The following PET117 variants were observed in gnomAD, a reference collection of about 807,000 sequenced individuals.
PET117 encodes the protein protein PET117 homolog, mitochondrial.
In PET117, 10 loss-of-function variants were observed where a neutral mutation model predicts 9.2. That is an observed-to-expected ratio of 1.09 (90% CI 0.67 to 1.85). PET117 has a LOEUF of 1.85. Among genes scored for constraint, PET117 ranks in the 40% most tolerant of loss-of-function variants. The probability of loss-of-function intolerance (pLI) is 0.00; values close to 1 mark genes in which losing one functional copy is unlikely to be tolerated. For synonymous variants in PET117, 43 were observed against 37.1 expected, an observed-to-expected ratio of 1.16 and a Z score of -0.57; for missense variants, 96 against 98.2, an observed-to-expected ratio of 0.98 and a Z score of 0.09.
rs868486730 is a variant in PET117 at position 18,141,041 on chromosome 20, T to A, written c.97-1167T>A. Among the ~76,000 whole-genome samples the A allele has an allele frequency of 3.0e-4, 13 of 43,608 alleles. 1 individual carries two copies. The highest frequency in any genetic ancestry group is 1.9e-3 in the South Asian group (2 of 1,052). 28.6% of individuals were successfully genotyped at this position (43,608 alleles called of 152,430 possible). A position where few individuals can be genotyped will look rare whatever the true frequency, so the allele number is the denominator to read the frequency against. On this transcript the variant is annotated intron_variant, in intron 1 of 1. Transcript: ENST00000432901. ...CCCTGCAATTTTTTTTTTTTTTTTT[T>A]TTTTTATTTTTATTTTTGCTAGAGA...
chr20:18,139,227 A>G (rs2037426056), intron 1 of PET117, among the ~76,000 whole-genome samples: 2 of 152,200 alleles, frequency 1.3e-5, no homozygotes, highest in African/African-American at 4.8e-5. Context: ...TTGGGATTAA[A>G]ATGTGCTCCT....
rs770214130 is a variant in PET117, at chr20:18,137,924, G to A, written c.-32G>A. ...GGCGGCCTCTGCGCCTCGGGCGGGC[G>A]GGAGAGAGAGGCCGCGGCCGCCAGC... is the stretch of plus-strand genomic sequence containing the variant. On this transcript the variant is annotated 5_prime_UTR_variant, in exon 1 of 2. Coordinates refer to ENST00000432901, the MANE Select transcript of PET117 (RefSeq NM_001164811.2). The A allele has an allele frequency of 1.1e-4, 156 of 1,471,588 alleles. 1 individual carries two copies. The highest frequency in any genetic ancestry group is 7.1e-4 in the South Asian group (55 of 77,616). 91.2% of individuals were successfully genotyped at this position (1,471,588 alleles called of 1,614,324 possible). A position where few individuals can be genotyped will look rare whatever the true frequency, so the allele number is the denominator to read the frequency against.
intron 1 of PET117, among the ~76,000 whole-genome samples, chr20:18,141,066 A>T (rs1225737565): frequency 3.0e-5 from 3 of 99,218 alleles, no homozygotes; most frequent in Non-Finnish European, 5.9e-5. Context: ...TTTGCTAGAG[A>T]TGGGATTTTG....
chr20:18,138,042 G>C lies in PET117; in HGVS notation c.87G>C (p.Trp29Cys). 6.7e-7 allele frequency: 1 copy of C among 1,487,024 alleles called. No individual in the cohort carries two copies. The highest frequency in any genetic ancestry group is 8.9e-7 in the Non-Finnish European group (1 of 1,125,472). 92.1% of individuals were successfully genotyped at this position (1,487,024 alleles called of 1,614,324 possible). A position where few individuals can be genotyped will look rare whatever the true frequency, so the allele number is the denominator to read the frequency against. The change falls in exon 1 of 2, where the codon TGG (tryptophan) becomes TGC (cysteine). Residue 29 changes from tryptophan to cysteine, a missense_variant. Physicochemically the swap from Trp to Cys is radical, Grantham distance 215 (BLOSUM62 -2). Coordinates refer to ENST00000432901, the MANE Select transcript of PET117 (RefSeq NM_001164811.2). ...TVAGVHVKQQWDQQRLRDGVI... is the reference protein window; with the variant it reads ...TVAGVHVKQQCDQQRLRDGVI... ...CCGGCGTACATGTGAAGCAGCAGTG[G>C]GACCAGCAGGTCGGTGTCACGTGAC...
rs1223501402 is a variant in PET117 at position 18,137,877 on chromosome 20, C to G, written c.-79C>G. 1 of 1,377,128 alleles carries G rather than the reference C, an allele frequency of 7.3e-7. No individual in the cohort carries two copies. The highest frequency in any genetic ancestry group is 3.1e-5 in the Admixed American group (1 of 32,234). The allele number at this position is 1,377,128 out of a possible 1,614,324, so 85.3% of individuals were successfully genotyped here. A position where few individuals can be genotyped will look rare whatever the true frequency, so the allele number is the denominator to read the frequency against. On this transcript the variant is annotated 5_prime_UTR_variant, in exon 1 of 2. Coordinates refer to ENST00000432901, the MANE Select transcript of PET117 (RefSeq NM_001164811.2). ...CTCGAGGGGTCGAGCCTGGGCAGTA[C>G]AGGCGGCGGTGCGCACTCTGCGGCG...
intron 1 of PET117, 54 bp from the exon 2 acceptor site, chr20:18,142,154 G>T: frequency 6.7e-7 from 1 of 1,501,576 alleles, no homozygotes; most frequent in Non-Finnish European, 8.9e-7. Flanking sequence ...AATGGCACAA[G>T]GATGGGGACC....
At chr20:18,138,093 GCGTCGA>G (rs2037363689) in intron 1 of PET117, 42 bp downstream of exon 1, 1 of 1,437,514 alleles carries the variant, frequency 7.0e-7, no homozygotes, top group Non-Finnish European at 9.1e-7. Context: ...CGCGCGCGCG[GCGTCGA>G]CCTGGGGCCT....
At chr20:18,139,777 G>A (rs1301565490) in intron 1 of PET117, among the ~76,000 whole-genome samples, 2 of 151,920 alleles carry the variant, frequency 1.3e-5, no homozygotes, top group East Asian at 3.9e-4. Flanking sequence ...TGGATGTGTC[G>A]GAAGGTTCAA....
chr20:18,138,230 C>A, intron 1 of PET117, 179 bp downstream of exon 1: 1 of 1,250,494 alleles, frequency 8.0e-7, no homozygotes, highest in East Asian at 3.3e-5. Context: ...GGGCTCCGGG[C>A]GCTGCAGCTC....
chr20:18,142,999 T>A lies in PET117; in HGVS notation c.*642T>A, dbSNP rs2037647597. The A allele has an allele frequency of 7.1e-6, 11 of 1,540,972 alleles. No individual in the cohort carries two copies. The East Asian group carries it at 2.6e-4, about 36-fold the overall frequency. Reference sequence around the variant, plus strand: ...TTCCAACCTGTGAAAGAAACGTGAATGTAAAAGAGACCTAAATAAAAGGAT... The same window carrying A: ...TTCCAACCTGTGAAAGAAACGTGAAAGTAAAAGAGACCTAAATAAAAGGAT... On this transcript the variant is annotated 3_prime_UTR_variant, in exon 2 of 2. Transcript: ENST00000432901.
chr20:18,138,273 C>T (rs2037377089), intron 1 of PET117: 1 of 1,221,262 alleles, frequency 8.2e-7, no homozygotes, highest in East Asian at 3.4e-5. Flanking sequence ...AGATTCAGGA[C>T]GACCCGGCTG....
chr20:18,138,277 C>T, intron 1 of PET117: 1 of 1,216,138 alleles, frequency 8.2e-7, no homozygotes, highest in Non-Finnish European at 1.0e-6. Context: ...TCAGGACGAC[C>T]CGGCTGCCCG....
At chr20:18,141,274 C>T (rs2037565801) in intron 1 of PET117, among the ~76,000 whole-genome samples, 1 of 151,962 alleles carries the variant, frequency 6.6e-6, no homozygotes, top group Non-Finnish European at 1.5e-5. Flanking sequence ...TTCTTGGGTG[C>T]CAGGTCCACG....
At position 18,142,268 on chromosome 20, in the gene PET117, C is replaced by A. The variant is rs117280420; in HGVS notation, c.157C>A (p.Arg53Ser). The change falls in exon 2 of 2, where the codon CGT becomes AGT. Residue 53 changes from arginine (R) to serine (S), a missense_variant. Physicochemically the swap from Arg to Ser is moderately radical, Grantham distance 110. Transcript: ENST00000432901. ...GCAAATTCGGAAAAAAGAAAACATT[C>A]GTCTTTTGGGAGAACAGATTATTTT... ...ERQIRKKENIRLLGEQIILTE... is the reference protein window; with the variant it reads ...ERQIRKKENISLLGEQIILTE... 2.6e-6 allele frequency: 4 copies of A among 1,537,076 alleles called. No homozygotes were observed. Among genetic ancestry groups the A allele is most frequent in the Middle Eastern group, 3.3e-4 (2 of 5,990 alleles).
chr20:18,137,890 G>C lies in PET117; in HGVS notation c.-66G>C. 7.1e-7 allele frequency: 1 copy of C among 1,412,670 alleles called. No homozygotes were observed. The highest frequency in any genetic ancestry group is 1.4e-5 in the South Asian group (1 of 70,680). 87.5% of individuals were successfully genotyped at this position (1,412,670 alleles called of 1,614,324 possible). A position where few individuals can be genotyped will look rare whatever the true frequency, so the allele number is the denominator to read the frequency against. On this transcript the variant is annotated 5_prime_UTR_variant, in exon 1 of 2. Transcript: ENST00000432901. ...GCCTGGGCAGTACAGGCGGCGGTGCGCACTCTGCGGCGGCCTCTGCGCCTC... is the reference window on the plus strand; with the variant it reads ...GCCTGGGCAGTACAGGCGGCGGTGCCCACTCTGCGGCGGCCTCTGCGCCTC...
chr20:18,142,020 A>G (rs1316712493), intron 1 of PET117, among the ~76,000 whole-genome samples, 188 bp from the exon 2 acceptor site: 1 of 152,228 alleles, frequency 6.6e-6, no homozygotes, highest in Non-Finnish European at 1.5e-5. Context: ...AACATTTAGC[A>G]CACTACCAAA....
chr20:18,138,600 C>A, intron 1 of PET117: 2 of 331,052 alleles, frequency 6.0e-6, no homozygotes, highest in Non-Finnish European at 8.6e-6. Flanking sequence ...TGCCTTTGAC[C>A]AAGATAATTT....
Position 18,142,337 on chromosome 20 carries a change from A to C in PET117, c.226A>C (p.Lys76Gln). 1 of 1,536,476 alleles carries C rather than the reference A, an allele frequency of 6.5e-7. No individual in the cohort carries two copies. Among genetic ancestry groups the C allele is most frequent in the Non-Finnish European group, 8.7e-7 (1 of 1,146,372 alleles). ...EAEREKMLLA[K>Q]GSQKS ...AGAAAGAGAGAAGATGTTATTGGCA[A>C]AAGGATCTCAAAAATCATGACTTGA... The change falls in exon 2 of 2, where the codon AAA becomes CAA. Residue 76 changes from lysine to glutamine, a missense_variant. Transcript: ENST00000432901.
Position 18,142,939 on chromosome 20 carries a change from C to G in PET117, c.*582C>G. The G allele has an allele frequency of 6.2e-7, 1 of 1,608,624 alleles. No individual in the cohort carries two copies. The highest frequency in any genetic ancestry group is 1.3e-5 in the African/African-American group (1 of 74,958). ...CAGCCAGTAAGGAGCTTCTCAATTC[C>G]TTTGATTTGTCAATTCCTGTGTGAA... On this transcript the variant is annotated 3_prime_UTR_variant, in exon 2 of 2. Transcript: ENST00000432901.
Sources: allele counts gnomAD v4.1 joint callset (sites outside exome capture counted in the v4.1 genomes callset), GRCh38; gene constraint gnomAD v4.1.1; transcripts MANE v1.5; gene names NCBI Gene and HGNC (gene_info 2026-07-23, HGNC 2026-07-21).